The following ECE1 variants were observed in gnomAD, a reference collection of about 807,000 sequenced individuals.
ECE1 encodes the protein endothelin converting enzyme 1.
A neutral mutation model predicts 98.6 loss-of-function variants in ECE1; 35 were observed. That is an observed-to-expected ratio of 0.35 (90% confidence interval 0.27 to 0.47). The LOEUF (loss-of-function observed/expected upper bound fraction) is 0.47. ECE1 is among the 20% of genes least tolerant of loss of function. The pLI, the probability that ECE1 is intolerant of heterozygous loss-of-function variation, is 1.00. For synonymous variants in ECE1, 394 were observed against 407.1 expected, an observed-to-expected ratio of 0.97 and a Z score of 0.39; for missense variants, 814 against 1,025.3, an observed-to-expected ratio of 0.79 and a Z score of 2.81.
intron 1 of ECE1, among the ~76,000 whole-genome samples, chr1:21,329,145 G>C (rs1639143112): frequency 6.6e-6 from 1 of 152,168 alleles, no homozygotes; most frequent in Non-Finnish European, 1.5e-5. Flanking sequence ...TGGTCCACCA[G>C]CATCAGAATC....
At chr1:21,231,517 TA>T (rs1338579894) in intron 14 of ECE1, among the ~76,000 whole-genome samples, 1 of 152,118 alleles carries the variant, frequency 6.6e-6, no homozygotes, top group Non-Finnish European at 1.5e-5. Context: ...AATTTTTGTA[TA>T]TTTAGTAGAG....
At chr1:21,253,098 C>G (rs948172112) in intron 8 of ECE1, among the ~76,000 whole-genome samples, 1 of 151,800 alleles carries the variant, frequency 6.6e-6, no homozygotes, top group Non-Finnish European at 1.5e-5. Context: ...GCTCTGTCAC[C>G]CAAGCTGGAG....
intron 1 of ECE1, among the ~76,000 whole-genome samples, chr1:21,303,280 G>A (rs375993827): frequency 3.3e-5 from 5 of 152,188 alleles, no homozygotes; most frequent in Admixed American, 6.5e-5. Context: ...CATCCCCAGC[G>A]GCCTCACCCT....
At chr1:21,301,867 A>C (rs531561779) in intron 1 of ECE1, among the ~76,000 whole-genome samples, 2 of 148,990 alleles carry the variant, frequency 1.3e-5, no homozygotes, top group Admixed American at 6.7e-5. Context: ...CCAATTCAAC[A>C]GCCATCTCCT....
chr1:21,330,133 CTTT>C (rs397860522), intron 1 of ECE1, among the ~76,000 whole-genome samples: 5 of 86,488 alleles, frequency 5.8e-5, no homozygotes, highest in Non-Finnish European at 1.1e-4. Context: ...TCACTAAATA[CTTT>C]TTTTTTTTTT....
rs1027015020 is a variant in ECE1, at chr1:21,307,357, C to T, written c.4-17201G>A. ...TGCTTAGCAGCTGTGTGATGTTGAG[C>T]GAGTCATGTCACCTCTCGGAGCCTC... On this transcript the variant is annotated intron_variant, in intron 1 of 18. Coordinates refer to the ECE1 transcript ENST00000415912. This position sits in a 1 kb window ranked among gnomAD's most constrained non-coding sequence, Gnocchi z 4.2. Among the ~76,000 whole-genome samples, 1 of 152,180 alleles carries T rather than the reference C, an allele frequency of 6.6e-6. No homozygotes were observed. Among genetic ancestry groups the T allele is most frequent in the African/African-American group, 2.4e-5 (1 of 41,444 alleles).
At chr1:21,223,969 T>G (rs2103207879) in intron 17 of ECE1, among the ~76,000 whole-genome samples, 1 of 152,278 alleles carries the variant, frequency 6.6e-6, no homozygotes, top group South Asian at 2.1e-4. Flanking sequence ...TGTCTCTCTA[T>G]CATAACCAGG....
chr1:21,266,442 C>T (rs572883254), intron 4 of ECE1: 3 of 152,410 alleles, frequency 2.0e-5, no homozygotes, highest in South Asian at 2.1e-4. Flanking sequence ...AAAGGAGACG[C>T]CTTGCTCTGC....
chr1:21,271,128 A>T (rs28367962), intron 4 of ECE1, among the ~76,000 whole-genome samples: 43 of 152,256 alleles, frequency 2.8e-4, no homozygotes, highest in African/African-American at 9.4e-4. Context: ...CTGAGCTTCA[A>T]CCCTACCTCC....
At chr1:21,310,823 A>G (rs7525186) in intron 1 of ECE1, among the ~76,000 whole-genome samples, 1,960 of 152,284 alleles carry the variant, frequency 0.013, 44 homozygotes, top group African/African-American at 0.045. Context: ...ACGAAGGATC[A>G]AGGAATAGAA....
intron 6 of ECE1, 101 bp from the exon 7 acceptor site, chr1:21,257,691 C>G: frequency 4.8e-6 from 6 of 1,250,138 alleles, no homozygotes; most frequent in Non-Finnish European, 7.0e-6. Context: ...GCAGCAGAGG[C>G]CCAGCTCAGG....
upstream of ECE1, among the ~76,000 whole-genome samples, chr1:21,292,816 G>A (rs1217913292): frequency 6.6e-6 from 1 of 152,182 alleles, no homozygotes; most frequent in African/African-American, 2.4e-5. Flanking sequence ...GGGGAGGCAG[G>A]GTGCATGGGA....
chr1:21,331,654 T>G (rs1639203004), intron 1 of ECE1, among the ~76,000 whole-genome samples: 1 of 151,988 alleles, frequency 6.6e-6, no homozygotes, highest in African/African-American at 2.4e-5. Context: ...ACTCTAGCTC[T>G]GCCAATTACT....
chr1:21,230,706 A>G (rs1365627592), intron 14 of ECE1, among the ~76,000 whole-genome samples: 1 of 151,732 alleles, frequency 6.6e-6, no homozygotes, highest in African/African-American at 2.4e-5. Context: ...TCTATATATA[A>G]AAACAACATA....
chr1:21,309,378 G>A (rs1007061471), intron 1 of ECE1, among the ~76,000 whole-genome samples: 1 of 152,242 alleles, frequency 6.6e-6, no homozygotes, highest in Admixed American at 6.5e-5. Context: ...CACCTGTAAA[G>A]TGGTGAATCA....
chr1:21,257,135 C>A (rs2098220887), intron 7 of ECE1, among the ~76,000 whole-genome samples: 1 of 152,268 alleles, frequency 6.6e-6, no homozygotes, highest in East Asian at 1.9e-4. Flanking sequence ...CATCTCTGAG[C>A]CTGATACCCT....
At chr1:21,278,099 C>T (rs1339738398) in intron 3 of ECE1, among the ~76,000 whole-genome samples, 1 of 152,114 alleles carries the variant, frequency 6.6e-6, no homozygotes, top group Non-Finnish European at 1.5e-5. Flanking sequence ...GGTGAGCGAC[C>T]GAGTCAGTGG....
At chr1:21,236,222 T>A (rs938830469) in intron 12 of ECE1, among the ~76,000 whole-genome samples, 1 of 152,252 alleles carries the variant, frequency 6.6e-6, no homozygotes, top group African/African-American at 2.4e-5. Flanking sequence ...CTGCACCTTT[T>A]CCCCGTACAC....
At chr1:21,338,621 G>C (rs1039283201) in intron 1 of ECE1, among the ~76,000 whole-genome samples, 1 of 152,234 alleles carries the variant, frequency 6.6e-6, no homozygotes, top group African/African-American at 2.4e-5. Flanking sequence ...CGGCCCTGGA[G>C]TCAGTCTGCT....
Sources: gnomAD v4.1 joint callset for allele counts (sites outside exome capture counted in the v4.1 genomes callset) on GRCh38, gnomAD v4.1.1 for gene constraint, Gnocchi (gnomAD v3.1) non-coding constraint, MANE v1.5 for transcripts, NCBI Gene and HGNC (gene_info 2026-07-23, HGNC 2026-07-21) for gene names.